SYNPR: variants seen among roughly 807,000 people sequenced by gnomAD.
SYNPR encodes synaptoporin.
Under a neutral mutation model 32.9 loss-of-function variants are expected in SYNPR, and 23 were observed. The observed-to-expected ratio is 0.70, with a 90% CI of 0.50 to 0.99. SYNPR has a LOEUF of 0.99. SYNPR is among the 50% of genes least tolerant of loss of function. The pLI is 0.00. For synonymous variants in SYNPR, 146 were observed against 135.9 expected (o/e 1.07, Z -0.52); for missense variants, 318 against 349.3 (o/e 0.91, Z 0.71).
intron 3 of SYNPR, among the ~76,000 whole-genome samples, chr3:63,504,279 A>G (rs1701542895): frequency 6.6e-6 from 1 of 152,194 alleles, no homozygotes; most frequent in Non-Finnish European, 1.5e-5. Flanking sequence ...TACTTCATGA[A>G]GATCTTGCAA....
chr3:63,232,146 C>T (rs918843553), intron 1 of SYNPR, among the ~76,000 whole-genome samples: 1 of 143,598 alleles, frequency 7.0e-6, no homozygotes, highest in Non-Finnish European at 1.5e-5. Context: ...AGAGTTACTT[C>T]ATAAAGTTCT....
At chr3:63,472,560 T>C (rs1700823690) in intron 2 of SYNPR, among the ~76,000 whole-genome samples, 1 of 152,196 alleles carries the variant, frequency 6.6e-6, no homozygotes, top group South Asian at 2.1e-4. Context: ...CATCCTTCTA[T>C]TGCCCATTCC....
chr3:63,527,463 A>G (rs1254871281), intron 3 of SYNPR, among the ~76,000 whole-genome samples: 1 of 152,070 alleles, frequency 6.6e-6, no homozygotes, highest in Admixed American at 6.5e-5. Context: ...CCTAATTTGC[A>G]TTAATGGGAT....
intron 2 of SYNPR, among the ~76,000 whole-genome samples, chr3:63,318,152 G>T (rs1252127337): frequency 3.3e-5 from 5 of 152,092 alleles, no homozygotes; most frequent in Middle Eastern, 3.4e-3. Context: ...TTCCTTTATA[G>T]GTTACCTGGT....
chr3:63,471,244 T>C (rs1170191652), intron 2 of SYNPR, among the ~76,000 whole-genome samples: 1 of 152,202 alleles, frequency 6.6e-6, no homozygotes, highest in Non-Finnish European at 1.5e-5. Flanking sequence ...AGTTATATAT[T>C]GTAGACAGGA....
At chr3:63,318,922 T>C (rs1411208840) in intron 2 of SYNPR, among the ~76,000 whole-genome samples, 1 of 152,012 alleles carries the variant, frequency 6.6e-6, no homozygotes, top group African/African-American at 2.4e-5. Flanking sequence ...TGAAGGCTGT[T>C]GTTCAGATTC....
At chr3:63,403,441 TACACACACACAC>T (rs10559096) in intron 2 of SYNPR, among the ~76,000 whole-genome samples, 4 of 146,016 alleles carry the variant, frequency 2.7e-5, no homozygotes, top group African/African-American at 5.0e-5. Context: ...TGTATACACA[TACACACACACAC>T]ACACACACAC....
At chr3:63,371,962 C>A (rs2087818178) in intron 2 of SYNPR, among the ~76,000 whole-genome samples, 1 of 152,122 alleles carries the variant, frequency 6.6e-6, no homozygotes, top group Admixed American at 6.5e-5. Flanking sequence ...CAGAGAGGAG[C>A]CCAGTCTCTC....
chr3:63,264,313 G>C (rs1486966061), intron 2 of SYNPR, among the ~76,000 whole-genome samples: 1 of 152,130 alleles, frequency 6.6e-6, no homozygotes, highest in African/African-American at 2.4e-5. Context: ...ACAGTGAAAA[G>C]ATTAGCAGAT....
intron 4 of SYNPR, among the ~76,000 whole-genome samples, chr3:63,564,688 G>A (rs1030922141): frequency 1.3e-5 from 2 of 152,032 alleles, no homozygotes; most frequent in Non-Finnish European, 2.9e-5. Flanking sequence ...AAATTTTCCC[G>A]GTGTGCTTTC....
intron 4 of SYNPR, among the ~76,000 whole-genome samples, chr3:63,573,470 A>G (rs1268432900): frequency 6.6e-6 from 1 of 152,200 alleles, no homozygotes; most frequent in African/African-American, 2.4e-5. Context: ...CAAAATAAAT[A>G]TTAATGCTGC....
intron 3 of SYNPR, among the ~76,000 whole-genome samples, chr3:63,523,563 C>T (rs1701952003): frequency 6.6e-6 from 1 of 152,158 alleles, no homozygotes; most frequent in African/African-American, 2.4e-5. Context: ...TGCACGCTGA[C>T]AATCCCACTA....
chr3:63,453,061 C>T (rs1239479418), intron 2 of SYNPR, among the ~76,000 whole-genome samples: 4 of 152,098 alleles, frequency 2.6e-5, no homozygotes, highest in Non-Finnish European at 5.9e-5. Context: ...GTTAAAAATG[C>T]AGAGTCTCAG....
At chr3:63,328,387 A>T (rs1423698836) in intron 2 of SYNPR, among the ~76,000 whole-genome samples, 1 of 152,148 alleles carries the variant, frequency 6.6e-6, no homozygotes, top group Non-Finnish European at 1.5e-5. Context: ...AGTCCATTTC[A>T]TATCAAATGA....
At chr3:63,460,210 A>C (rs933357693) in intron 2 of SYNPR, among the ~76,000 whole-genome samples, 1 of 152,124 alleles carries the variant, frequency 6.6e-6, no homozygotes. Context: ...ACCCTGCAGC[A>C]TCTAGCCATT....
intron 2 of SYNPR, among the ~76,000 whole-genome samples, 177 bp from the exon 3 acceptor site, chr3:63,480,655 C>T (rs757884866): frequency 7.9e-5 from 12 of 152,074 alleles, no homozygotes; most frequent in African/African-American, 1.2e-4. Context: ...TTTTAGACAC[C>T]ATGTCCCCAG....
intron 2 of SYNPR, among the ~76,000 whole-genome samples, chr3:63,305,266 T>A (rs1355526851): frequency 6.6e-6 from 1 of 152,046 alleles, no homozygotes; most frequent in Non-Finnish European, 1.5e-5. Flanking sequence ...GCTGACAGCT[T>A]GACTGCAATG....
intron 2 of SYNPR, among the ~76,000 whole-genome samples, chr3:63,301,216 T>C (rs1394556267): frequency 6.6e-6 from 1 of 152,110 alleles, no homozygotes; most frequent in East Asian, 1.9e-4. Context: ...CCGTTATAAG[T>C]TGGAAAAATG....
At chr3:63,558,870 T>C (rs780897404) in intron 4 of SYNPR, among the ~76,000 whole-genome samples, 14 of 151,974 alleles carry the variant, frequency 9.2e-5, no homozygotes, top group East Asian at 5.8e-4. Flanking sequence ...AAAAATTATA[T>C]TGTGCTATAA....
Sources: allele counts gnomAD v4.1 joint callset (sites outside exome capture counted in the v4.1 genomes callset), GRCh38; gene constraint gnomAD v4.1.1; transcripts MANE v1.5; gene names NCBI Gene and HGNC (gene_info 2026-07-23, HGNC 2026-07-21).